The following RNLS variants were observed in gnomAD, a reference collection of about 807,000 sequenced individuals.
RNLS encodes renalase, FAD dependent amine oxidase.
RNLS carries 39 observed loss-of-function variants against 39.8 expected under a neutral mutation model. The ratio of observed to expected loss-of-function variants is 0.98; its 90% CI spans 0.76 to 1.28. The LOEUF is 1.28. RNLS is among the 50% of genes most tolerant of loss of function. The pLI, the probability that RNLS is intolerant of heterozygous loss-of-function variation, is 0.00. For missense variants in RNLS, 410 were observed against 413.3 expected (o/e 0.99, Z 0.07); for synonymous variants, 147 against 150.7 (o/e 0.98, Z 0.18).
the RNLS span, among the ~76,000 whole-genome samples, chr10:88,192,451 G>T: frequency 3.3e-5 from 5 of 152,326 alleles, no homozygotes; most frequent in East Asian, 9.6e-4. Flanking sequence ...AATCTGGGTT[G>T]ATCAAAGTCA....
chr10:88,186,656 G>T, the RNLS span, among the ~76,000 whole-genome samples: 1 of 152,066 alleles, frequency 6.6e-6, no homozygotes, highest in African/African-American at 2.4e-5. Flanking sequence ...AGTGCTAAAT[G>T]GTAACACATG....
At chr10:88,396,212 T>C (rs1852549640) in intron 4 of RNLS, among the ~76,000 whole-genome samples, 1 of 152,092 alleles carries the variant, frequency 6.6e-6, no homozygotes, top group Non-Finnish European at 1.5e-5. Context: ...AATTTCTTTC[T>C]GTTTGTAGCT....
At position 88,379,370 on chromosome 10, in the gene RNLS, T is replaced by C. The variant is rs1348234062; in HGVS notation, c.527-16645A>G. Among the ~76,000 whole-genome samples the C allele has an allele frequency of 4.6e-5, 7 of 152,246 alleles. No homozygotes were observed. In the East Asian group the frequency reaches 5.8e-4, roughly 13 times the overall value. ...TTAATAATATTTTGAACAAAAAAAA[T>C]TCCCCCCAGACCAAGGTGTTTTTTA... On this transcript the variant is annotated intron_variant, in intron 4 of 6. Transcript: ENST00000331772.
intron 5 of RNLS, among the ~76,000 whole-genome samples, chr10:88,338,758 CTTTTT>C (rs36061512): frequency 8.9e-6 from 1 of 112,496 alleles, no homozygotes; most frequent in African/African-American, 3.2e-5. Context: ...GCTAGATTTC[CTTTTT>C]TTTTTTTTTT....
chr10:88,480,401 T>C (rs1018740711), intron 4 of RNLS, among the ~76,000 whole-genome samples: 1 of 152,246 alleles, frequency 6.6e-6, no homozygotes, highest in Non-Finnish European at 1.5e-5. Context: ...CTAAGATTTA[T>C]GGGAAACTAC....
intron 6 of RNLS, among the ~76,000 whole-genome samples, chr10:88,310,801 C>CAAAAA (rs577838661): frequency 2.6e-4 from 5 of 19,584 alleles, no homozygotes; most frequent in Non-Finnish European, 3.6e-4. Flanking sequence ...CTACCTCTGC[C>CAAAAA]AAAAAAAAAA....
intron 4 of RNLS, among the ~76,000 whole-genome samples, chr10:88,391,754 C>T (rs1465797742): frequency 6.6e-6 from 1 of 152,100 alleles, no homozygotes; most frequent in East Asian, 1.9e-4. Context: ...TAAACTTTTT[C>T]AGAACTCTGG....
intron 4 of RNLS, among the ~76,000 whole-genome samples, chr10:88,536,632 G>A (rs73355485): frequency 0.19 from 29,584 of 151,944 alleles, 3,198 homozygotes; most frequent in Middle Eastern, 0.3. Flanking sequence ...CTTCCTTGCC[G>A]ACTCCCAAAT....
chr10:88,522,981 TCAAGA>T (rs1846849873), intron 4 of RNLS, among the ~76,000 whole-genome samples: 1 of 152,096 alleles, frequency 6.6e-6, no homozygotes. Flanking sequence ...TGATAGGAAC[TCAAGA>T]GACAGTGGCA....
chr10:88,447,286 C>T (rs1022264704), intron 4 of RNLS, among the ~76,000 whole-genome samples: 2 of 152,172 alleles, frequency 1.3e-5, no homozygotes, highest in African/African-American at 2.4e-5. Context: ...CACAAAATCT[C>T]CTTAAGCTGA....
intron 4 of RNLS, among the ~76,000 whole-genome samples, chr10:88,560,940 TAAC>T (rs1166999819): frequency 3.8e-5 from 4 of 105,072 alleles, no homozygotes; most frequent in African/African-American, 1.4e-4. Flanking sequence ...TGTTCAGAGA[TAAC>T]ACACACACAC....
At chr10:88,238,965 T>C in the RNLS span, among the ~76,000 whole-genome samples, 1 of 152,066 alleles carries the variant, frequency 6.6e-6, no homozygotes, top group Non-Finnish European at 1.5e-5. Context: ...CTTAAAAGAC[T>C]CTTTGAAATC....
intron 4 of RNLS, among the ~76,000 whole-genome samples, chr10:88,429,277 C>T (rs1044967265): frequency 2.0e-5 from 3 of 152,058 alleles, no homozygotes; most frequent in African/African-American, 7.2e-5. Context: ...ATCCTCTTTA[C>T]AAAGCTGCTG....
chr10:88,542,656 CT>C (rs1346449860), intron 4 of RNLS, among the ~76,000 whole-genome samples: 1 of 152,198 alleles, frequency 6.6e-6, no homozygotes, highest in African/African-American at 2.4e-5. Context: ...CTAGACAGCA[CT>C]GCATGATCTT....
intron 4 of RNLS, among the ~76,000 whole-genome samples, chr10:88,552,832 C>T (rs368876260): frequency 1.5e-4 from 23 of 152,190 alleles, no homozygotes; most frequent in African/African-American, 5.3e-4. Context: ...TCTCTATGAA[C>T]GTTGTAAAAA....
intron 4 of RNLS, among the ~76,000 whole-genome samples, chr10:88,529,875 T>C (rs1273890762): frequency 6.6e-6 from 1 of 152,194 alleles, no homozygotes; most frequent in Non-Finnish European, 1.5e-5. Flanking sequence ...ACTTACTTGT[T>C]TCTTCTCCCT....
downstream of RNLS, among the ~76,000 whole-genome samples, chr10:88,270,337 A>T (rs1270946396): frequency 2.0e-5 from 3 of 152,108 alleles, no homozygotes; most frequent in Non-Finnish European, 4.4e-5. Flanking sequence ...TGCTCTCCAC[A>T]TCTTTTATTC....
intron 4 of RNLS, among the ~76,000 whole-genome samples, chr10:88,524,750 C>T (rs1846976575): frequency 6.6e-6 from 1 of 151,592 alleles, no homozygotes; most frequent in African/African-American, 2.4e-5. Context: ...ACCACTTTCT[C>T]ATTTGTCCAT....
intron 5 of RNLS, among the ~76,000 whole-genome samples, chr10:88,349,757 GTATATA>G (rs1032674197): frequency 7.9e-5 from 12 of 151,028 alleles, no homozygotes; most frequent in African/African-American, 2.7e-4. Context: ...TATACATTGT[GTATATA>G]TATATATTTT....
Sources: gnomAD v4.1 joint callset for allele counts (sites outside exome capture counted in the v4.1 genomes callset) on GRCh38, gnomAD v4.1.1 for gene constraint, MANE v1.5 for transcripts, NCBI Gene and HGNC (gene_info 2026-07-23, HGNC 2026-07-21) for gene names.